Variants in CDK13 observed in about 807,000 individuals in gnomAD.
CDK13 encodes cyclin dependent kinase 13, also known as cyclin-dependent kinase 13.
In CDK13, 40 loss-of-function variants were observed where a neutral mutation model predicts 137.6. The ratio of observed to expected loss-of-function variants is 0.29; its 90% CI spans 0.23 to 0.38. The LOEUF is 0.38. CDK13 is among the 10% of genes least tolerant of loss of function. The pLI is 1.00. For missense variants in CDK13, 1,704 were observed against 1,951.8 expected, an observed-to-expected ratio of 0.87 and a Z score of 2.39; for synonymous variants, 869 against 760.1, an observed-to-expected ratio of 1.14 and a Z score of -2.36.
chr7:40,013,358 T>C (rs1784936679), intron 5 of CDK13, among the ~76,000 whole-genome samples: 1 of 152,186 alleles, frequency 6.6e-6, no homozygotes, highest in South Asian at 2.1e-4. Context: ...AGTATGAATA[T>C]GCTAATGCCA....
At chr7:39,966,313 G>A (rs1200283918) in intron 1 of CDK13, among the ~76,000 whole-genome samples, 1 of 152,078 alleles carries the variant, frequency 6.6e-6, no homozygotes, top group Non-Finnish European at 1.5e-5. Flanking sequence ...GGCTTTGTTC[G>A]TTTCTTTTTA....
intron 1 of CDK13, among the ~76,000 whole-genome samples, chr7:39,980,716 G>A (rs1562709825): frequency 6.6e-6 from 1 of 152,140 alleles, no homozygotes; most frequent in Admixed American, 6.5e-5. Flanking sequence ...AACAGTGGAG[G>A]ACTGGATATT....
At chr7:40,029,591 G>C (rs187738510) in intron 5 of CDK13, among the ~76,000 whole-genome samples, 1 of 151,734 alleles carries the variant, frequency 6.6e-6, no homozygotes, top group African/African-American at 2.4e-5. Context: ...GTGATGGCGC[G>C]CGCCTGTAGT....
chr7:40,048,601 T>TCAC (rs1562748617), intron 7 of CDK13: 95 of 151,928 alleles, frequency 6.3e-4, no homozygotes, highest in African/African-American at 2.3e-3. Context: ...AGTTAAAGAA[T>TCAC]TTTAAAATTA....
chr7:39,963,854 C>T (rs1483398898), intron 1 of CDK13, among the ~76,000 whole-genome samples: 1 of 152,124 alleles, frequency 6.6e-6, no homozygotes, highest in African/African-American at 2.4e-5. Flanking sequence ...TGTCAAAGGC[C>T]TTTTCTGCAT....
At chr7:40,028,021 T>TA (rs976655480) in intron 5 of CDK13, among the ~76,000 whole-genome samples, 4 of 151,224 alleles carry the variant, frequency 2.6e-5, no homozygotes, top group African/African-American at 4.9e-5. Context: ...TTTTTTTTTT[T>TA]AAATTAGTGT....
intron 12 of CDK13, among the ~76,000 whole-genome samples, chr7:40,091,407 G>A (rs1346071258): frequency 6.6e-6 from 1 of 152,064 alleles, no homozygotes; most frequent in Non-Finnish European, 1.5e-5. Flanking sequence ...TGTAATCCCA[G>A]CTCCTAGTGG....
intron 11 of CDK13, among the ~76,000 whole-genome samples, chr7:40,079,788 G>A (rs1329038548): frequency 6.6e-6 from 1 of 152,148 alleles, no homozygotes; most frequent in Non-Finnish European, 1.5e-5. Flanking sequence ...TCAGAAGCCT[G>A]TATAGAAGGA....
At position 40,099,182 on chromosome 7, in the gene CDK13, T is replaced by C. The variant is rs1370989553; in HGVS notation, c.*4202T>C. On this transcript the variant is annotated 3_prime_UTR_variant, in exon 14 of 14. Coordinates refer to ENST00000181839, the MANE Select transcript of CDK13 (RefSeq NM_003718.5). ...TTCTCCAGATAATTTCTTAAATGTT[T>C]CTACTTAAAAATAAAAGCTATTAAT... 6.6e-6 allele frequency: 1 copy of C among 152,156 alleles called. No homozygotes were observed. The highest frequency in any genetic ancestry group is 2.4e-5 in the African/African-American group (1 of 41,458). 9.4% of individuals were successfully genotyped at this position (152,156 alleles called of 1,614,324 possible). A position where few individuals can be genotyped will look rare whatever the true frequency, so the allele number is the denominator to read the frequency against.
Position 40,045,841 on chromosome 7 carries a change from T to G in CDK13, c.2359T>G (p.Phe787Val). The G allele has an allele frequency of 6.2e-7, 1 of 1,600,924 alleles. No homozygotes were observed. The highest frequency in any genetic ancestry group is 8.5e-7 in the Non-Finnish European group (1 of 1,171,646). The change falls in exon 6 of 14, where the codon TTT becomes GTT. Residue 787 changes from phenylalanine to valine, a missense_variant. By Grantham distance (50) the Phe-to-Val change is conservative. Coordinates refer to ENST00000181839, the MANE Select transcript of CDK13 (RefSeq NM_003718.5). ...ALDFKKDKGA[F>V]YLVFEYMDHD... ...TTAATTATTCTCATTCTTAGGTGCA[T>G]TTTATCTGGTGTTTGAATATATGGA...
chr7:40,039,574 G>A (rs1785560673), intron 5 of CDK13, among the ~76,000 whole-genome samples: 1 of 151,616 alleles, frequency 6.6e-6, no homozygotes, highest in Non-Finnish European at 1.5e-5. Flanking sequence ...TGGGATTATA[G>A]GCATGAACCA....
Position 40,078,155 on chromosome 7 carries a change from T to A in CDK13, c.2897+34T>A, listed in dbSNP as rs974648610. 7 of 1,001,926 alleles carry A rather than the reference T, an allele frequency of 7.0e-6. No homozygotes were observed. The African/African-American group carries it at 1.1e-4, about 16-fold the overall frequency. 62.1% of individuals were successfully genotyped at this position (1,001,926 alleles called of 1,614,324 possible). On this transcript the variant is annotated intron_variant, in intron 10 of 13. Transcript: ENST00000181839. ...GGGATGTGTAAACATCCTTATTGCA[T>A]GAATGTTTTACTTTAATTCTAGTGA...
rs798856 is a variant in CDK13, at chr7:40,078,466, A to G, written c.2898-254A>G. 166,144 of 266,748 alleles carry G rather than the reference A, an allele frequency of 0.62. 53,855 individuals are homozygous for G. The highest frequency in any genetic ancestry group is 0.86 in the African/African-American group (38,912 of 45,450). 16.5% of individuals were successfully genotyped at this position (266,748 alleles called of 1,614,324 possible). On this transcript the variant is annotated intron_variant, in intron 10 of 13. Transcript: ENST00000181839. ...TTAATTTGTATAATAACAGCAAATT[A>G]CCGATAAGTAACAATATATACTATT...
At chr7:40,021,659 A>AAT (rs1420497092) in intron 5 of CDK13, among the ~76,000 whole-genome samples, 1 of 152,158 alleles carries the variant, frequency 6.6e-6, no homozygotes, top group Non-Finnish European at 1.5e-5. Context: ...ATTTAATTAA[A>AAT]ATATATATGT....
intron 11 of CDK13, among the ~76,000 whole-genome samples, chr7:40,079,368 A>G (rs530925428): frequency 1.3e-5 from 2 of 152,122 alleles, no homozygotes; most frequent in Non-Finnish European, 2.9e-5. Flanking sequence ...GCAGTGAGCC[A>G]AGATCATGGC....
chr7:40,011,984 A>G (rs1333365981), intron 5 of CDK13, among the ~76,000 whole-genome samples: 2 of 152,186 alleles, frequency 1.3e-5, no homozygotes, highest in Non-Finnish European at 2.9e-5. Context: ...CTGAACATAT[A>G]TTTCTCCAAA....
chr7:39,957,968 T>C (rs1004416303), intron 1 of CDK13, among the ~76,000 whole-genome samples: 6 of 152,236 alleles, frequency 3.9e-5, no homozygotes, highest in African/African-American at 1.4e-4. Context: ...TTGTTTTCTA[T>C]AAATTTATAA....
At chr7:40,023,009 A>C (rs1785160081) in intron 5 of CDK13, among the ~76,000 whole-genome samples, 1 of 152,038 alleles carries the variant, frequency 6.6e-6, no homozygotes, top group Admixed American at 6.6e-5. Flanking sequence ...CAGAACTGTT[A>C]AATCTTGTTT....
chr7:39,982,479 T>C (rs1430673836), intron 1 of CDK13, among the ~76,000 whole-genome samples: 3 of 152,216 alleles, frequency 2.0e-5, no homozygotes, highest in South Asian at 2.1e-4. Context: ...TAAACATACA[T>C]GTGCATGTGT....
Sources: gnomAD v4.1 joint callset for allele counts (sites outside exome capture counted in the v4.1 genomes callset) on GRCh38, gnomAD v4.1.1 for gene constraint, MANE v1.5 for transcripts, NCBI Gene and HGNC (gene_info 2026-07-23, HGNC 2026-07-21) for gene names.